Variants in SCN7A observed in about 807,000 individuals in gnomAD.
SCN7A encodes sodium channel protein type 7 subunit alpha.
Under a neutral mutation model 155.2 loss-of-function variants are expected in SCN7A, and 138 were observed. The observed-to-expected ratio is 0.89, with a 90% confidence interval of 0.77 to 1.02. The LOEUF (loss-of-function observed/expected upper bound fraction) is 1.02, where lower values mean the gene tolerates loss of function less well. Ranked by LOEUF, SCN7A falls within the 50% of genes least tolerant of loss-of-function variation. The pLI, the probability that SCN7A is intolerant of heterozygous loss-of-function variation, is 0.00. For synonymous variants in SCN7A, 693 were observed against 649.0 expected, an observed-to-expected ratio of 1.07 and a Z score of -1.03; for missense variants, 2,058 against 1,986.6, an observed-to-expected ratio of 1.04 and a Z score of -0.68.
Position 166,410,292 on chromosome 2 carries a change from T to C in SCN7A, c.3639A>G (p.Lys1213=). 3 of 1,552,900 alleles carry C rather than the reference T, an allele frequency of 1.9e-6. No individual in the cohort carries two copies. The highest frequency in any genetic ancestry group is 2.6e-6 in the Non-Finnish European group (3 of 1,147,022). ...LGGSNIFITV[K]QRKQYRRLKK... The stretch of plus-strand genomic sequence containing the variant: ...TCAGCCTGCGGTACTGTTTTCTCTG[T>C]TTAACCGTTATAAAGATATTTGAGC... The change falls in exon 24 of 26, where the codon AAA becomes AAG. Residue 1213 remains lysine, a synonymous_variant. Transcript: ENST00000643258.
chr2:166,457,596 T>C (rs1384202090), intron 10 of SCN7A, among the ~76,000 whole-genome samples: 1 of 152,188 alleles, frequency 6.6e-6, no homozygotes, highest in African/African-American at 2.4e-5. Flanking sequence ...TGTCAAAGTA[T>C]CTGCTTTGGT....
intron 11 of SCN7A, among the ~76,000 whole-genome samples, chr2:166,449,995 C>A (rs988230466): frequency 6.6e-6 from 1 of 152,056 alleles, no homozygotes; most frequent in Middle Eastern, 3.2e-3. Flanking sequence ...AATCATTCTA[C>A]CAAAAAGACA....
At chr2:166,423,143 A>T in intron 19 of SCN7A, 116 bp downstream of exon 19, 1 of 997,648 alleles carries the variant, frequency 1.0e-6, no homozygotes, top group Non-Finnish European at 1.5e-6. Context: ...GTCATGTACC[A>T]ACAATGTAGA....
At chr2:166,484,342 G>C (rs770381103) in intron 2 of SCN7A, among the ~76,000 whole-genome samples, 1 of 151,804 alleles carries the variant, frequency 6.6e-6, no homozygotes, top group Non-Finnish European at 1.5e-5. Flanking sequence ...TAATTAAACT[G>C]TATGTATGTG....
intron 1 of SCN7A, among the ~76,000 whole-genome samples, chr2:166,488,151 T>G (rs1391699173): frequency 6.6e-6 from 1 of 152,196 alleles, no homozygotes; most frequent in East Asian, 1.9e-4. Context: ...AGTGACCAAC[T>G]TATATTGACA....
intron 2 of SCN7A, among the ~76,000 whole-genome samples, chr2:166,483,679 G>T (rs1702981502): frequency 6.6e-6 from 1 of 151,758 alleles, no homozygotes; most frequent in Non-Finnish European, 1.5e-5. Flanking sequence ...TTAGTTTAAT[G>T]AAGGAAAGTG....
At chr2:166,478,098 T>A (rs1702841805) in intron 2 of SCN7A, among the ~76,000 whole-genome samples, 1 of 151,862 alleles carries the variant, frequency 6.6e-6, no homozygotes, top group African/African-American at 2.4e-5. Flanking sequence ...TTAAACTTAC[T>A]CATCATTGGC....
At chr2:166,420,541 A>G (rs1701489812) in intron 20 of SCN7A, among the ~76,000 whole-genome samples, 1 of 152,054 alleles carries the variant, frequency 6.6e-6, no homozygotes, top group Non-Finnish European at 1.5e-5. Flanking sequence ...TATTAGGTCG[A>G]GCATTATGGG....
chr2:166,432,714 A>G lies in SCN7A; in HGVS notation c.2196T>C (p.Ser732=), dbSNP rs370442697. The change falls in exon 16 of 26, where the codon AGT becomes AGC. Residue 732 remains serine (S), a synonymous_variant. Transcript: ENST00000643258. ...CTTCAGCTGTTACATCCTTGCATGA[A>G]CTAAATGAGCTCACCAATGCCAGAA... is the stretch of plus-strand genomic sequence containing the variant. ...YLFLALVSSF[S]SCKDVTAEEN... 4.1e-5 allele frequency: 64 copies of G among 1,572,354 alleles called. No homozygotes were observed. The highest frequency in any genetic ancestry group is 5.5e-5 in the Non-Finnish European group (64 of 1,164,066).
intron 1 of SCN7A, among the ~76,000 whole-genome samples, chr2:166,488,885 A>G (rs957346553): frequency 1.3e-5 from 2 of 151,960 alleles, no homozygotes; most frequent in African/African-American, 4.8e-5. Flanking sequence ...TGATCTGCCC[A>G]CCTCAGCCTC....
At chr2:166,413,666 A>T (rs1014465321) in intron 21 of SCN7A, among the ~76,000 whole-genome samples, 2 of 151,906 alleles carry the variant, frequency 1.3e-5, no homozygotes, top group Non-Finnish European at 2.9e-5. Flanking sequence ...AAGGAGATTA[A>T]CATTTGAGTC....
At chr2:166,490,017 T>C (rs935035356) in intron 1 of SCN7A, among the ~76,000 whole-genome samples, 5 of 151,930 alleles carry the variant, frequency 3.3e-5, no homozygotes, top group African/African-American at 1.2e-4. Context: ...AAAATATATA[T>C]ATGTACGTAT....
chr2:166,417,567 C>T lies in SCN7A; in HGVS notation c.3136-582G>A, dbSNP rs192394625. Among the ~76,000 whole-genome samples the T allele has an allele frequency of 7.4e-5, 11 of 148,228 alleles. No homozygotes were observed. In the East Asian group the frequency reaches 2.2e-3, roughly 29 times the overall value. ...GCAACAGAGCTAATTAGTACAAATA[C>T]TAGAATAAATAATTATTTTGCTGGC... On this transcript the variant is annotated intron_variant, in intron 20 of 25. Transcript: ENST00000643258.
intron 15 of SCN7A, among the ~76,000 whole-genome samples, chr2:166,438,970 C>G (rs1248228385): frequency 1.1e-5 from 1 of 92,490 alleles, no homozygotes; most frequent in Non-Finnish European, 2.2e-5. Context: ...AATGTTTAGG[C>G]AAATATATAT....
intron 18 of SCN7A, 46 bp downstream of exon 18, chr2:166,427,742 A>T: frequency 6.5e-7 from 1 of 1,537,166 alleles, no homozygotes; most frequent in Admixed American, 1.8e-5. Flanking sequence ...GAATCATGAT[A>T]CATTTGTCCC....
intron 4 of SCN7A, 76 bp from the exon 5 acceptor site, chr2:166,473,964 A>C (rs1269305463): frequency 1.3e-6 from 1 of 759,990 alleles, no homozygotes; most frequent in Non-Finnish European, 2.0e-6. Context: ...TATTTCTTAA[A>C]TGTTGAAAAA....
intron 12 of SCN7A, among the ~76,000 whole-genome samples, chr2:166,446,009 A>G (rs2105443013): frequency 6.6e-6 from 1 of 152,288 alleles, no homozygotes. Flanking sequence ...ATGACAACAA[A>G]AGCCAAAATT....
chr2:166,488,632 CT>C (rs200899928), intron 1 of SCN7A, among the ~76,000 whole-genome samples: 107 of 144,528 alleles, frequency 7.4e-4, no homozygotes, highest in Middle Eastern at 7.2e-3. Context: ...TCAACAGTTT[CT>C]TTTTTTTTTT....
intron 9 of SCN7A, among the ~76,000 whole-genome samples, chr2:166,463,673 TG>T (rs976168218): frequency 2.0e-5 from 3 of 151,994 alleles, no homozygotes; most frequent in African/African-American, 7.3e-5. Flanking sequence ...TTAGCTGAAA[TG>T]GGATGGGACA....
Sources: gnomAD v4.1 joint callset for allele counts (sites outside exome capture counted in the v4.1 genomes callset) on GRCh38, gnomAD v4.1.1 for gene constraint, MANE v1.5 for transcripts, NCBI Gene and HGNC (gene_info 2026-07-23, HGNC 2026-07-21) for gene names.